The following MTA3 variants were observed in gnomAD, a reference collection of about 807,000 sequenced individuals.
The protein encoded by MTA3 is metastasis associated 1 family member 3, also known as metastasis-associated protein MTA3.
Under a neutral mutation model 83.5 loss-of-function variants are expected in MTA3, and 34 were observed. The observed-to-expected ratio is 0.41, with a 90% confidence interval of 0.31 to 0.54. The LOEUF is 0.54. MTA3 is among the 20% of genes least tolerant of loss of function. The probability of loss-of-function intolerance (pLI) is 0.33; values close to 1 mark genes in which losing one functional copy is unlikely to be tolerated. For missense variants in MTA3, 761 were observed against 726.4 expected (o/e 1.05, Z -0.55); for synonymous variants, 303 against 252.7 (o/e 1.20, Z -1.89).
At chr2:42,733,793 C>T (rs1331321942) in intron 16 of MTA3, among the ~76,000 whole-genome samples, 1 of 152,136 alleles carries the variant, frequency 6.6e-6, no homozygotes, top group East Asian at 1.9e-4. Flanking sequence ...AGCCACTGCA[C>T]CTGGCCCAGG....
chr2:42,544,484 A>C (rs995659638), intron 2 of MTA3, among the ~76,000 whole-genome samples: 11 of 151,630 alleles, frequency 7.3e-5, no homozygotes, highest in South Asian at 2.1e-4. Flanking sequence ...AAAAAAAAAA[A>C]CATAGTTATA....
intron 1 of MTA3, among the ~76,000 whole-genome samples, 179 bp downstream of exon 1, chr2:42,568,952 C>G (rs1455761717): frequency 6.6e-6 from 1 of 151,880 alleles, no homozygotes; most frequent in East Asian, 1.9e-4. Context: ...CCTTCCCCTC[C>G]CCCCACGCGG....
At chr2:42,499,527 C>A (rs998296334) in intron 2 of MTA3, among the ~76,000 whole-genome samples, 1 of 151,582 alleles carries the variant, frequency 6.6e-6, no homozygotes, top group South Asian at 2.1e-4. Context: ...CATGATGGCT[C>A]ATGCCTGTAA....
intron 2 of MTA3, among the ~76,000 whole-genome samples, chr2:42,498,636 A>G (rs191041386): frequency 7.2e-5 from 11 of 152,270 alleles, no homozygotes; most frequent in African/African-American, 2.6e-4. Context: ...ATGAGGTGGA[A>G]TTTGGCTCTT....
intron 4 of MTA3, among the ~76,000 whole-genome samples, chr2:42,638,238 A>G (rs1282372140): frequency 6.6e-6 from 1 of 152,182 alleles, no homozygotes; most frequent in East Asian, 1.9e-4. Context: ...AACTATTTTT[A>G]GAAACCTCAT....
chr2:42,727,096 GC>G lies in MTA3; in HGVS notation c.1759+4062del. On this transcript the variant is annotated intron_variant, in intron 16 of 16. Transcript: ENST00000405094. ...CCACAGTTCTAGCTACTTGGCGGGG[GC>G]TGAGGCAGAAGCATTGCTTGAGCCC... Among the ~76,000 whole-genome samples, 4 of 152,296 alleles carry G rather than the reference GC, an allele frequency of 2.6e-5. No homozygotes were observed. In the South Asian group the frequency reaches 8.3e-4, roughly 32 times the overall value.
intron 14 of MTA3, among the ~76,000 whole-genome samples, chr2:42,717,320 C>T (rs1358929592): frequency 6.6e-6 from 1 of 151,900 alleles, no homozygotes; most frequent in Non-Finnish European, 1.5e-5. Flanking sequence ...AAAAATTCTT[C>T]AGTAAATCAG....
At chr2:42,623,594 T>C (rs1363014238) in intron 4 of MTA3, among the ~76,000 whole-genome samples, 2 of 152,172 alleles carry the variant, frequency 1.3e-5, no homozygotes, top group South Asian at 4.1e-4. Context: ...TAGTTTTTGT[T>C]GAAGAAACTG....
intron 16 of MTA3, among the ~76,000 whole-genome samples, chr2:42,742,793 C>A (rs1216591417): frequency 6.6e-6 from 1 of 152,126 alleles, no homozygotes; most frequent in East Asian, 1.9e-4. Context: ...GTCCTGAGAA[C>A]TGTACATAAA....
At chr2:42,720,567 A>G (rs115342707) in intron 15 of MTA3, among the ~76,000 whole-genome samples, 150 of 152,280 alleles carry the variant, frequency 9.9e-4, no homozygotes, top group African/African-American at 3.4e-3. Flanking sequence ...TGACCTACGT[A>G]ATGGTGGTAA....
At chr2:42,584,205 A>G (rs531341168) in intron 3 of MTA3, among the ~76,000 whole-genome samples, 7 of 152,218 alleles carry the variant, frequency 4.6e-5, no homozygotes, top group Non-Finnish European at 7.4e-5. Flanking sequence ...CAAGCAGAGA[A>G]GAATACAGTA....
intron 16 of MTA3, among the ~76,000 whole-genome samples, chr2:42,731,675 TTC>T (rs1668240022): frequency 6.6e-6 from 1 of 152,176 alleles, no homozygotes; most frequent in African/African-American, 2.4e-5. Context: ...AACCATATCA[TTC>T]CACCCCTGGC....
At chr2:42,636,618 C>T (rs2104283903) in intron 4 of MTA3, among the ~76,000 whole-genome samples, 1 of 148,570 alleles carries the variant, frequency 6.7e-6, no homozygotes, top group East Asian at 2.0e-4. Flanking sequence ...ACTTCTTTCT[C>T]TTTCTTTCTT....
intron 2 of MTA3, among the ~76,000 whole-genome samples, chr2:42,537,837 A>C (rs557619216): frequency 1.3e-5 from 2 of 152,264 alleles, no homozygotes; most frequent in South Asian, 4.1e-4. Flanking sequence ...AGTTTGTAGG[A>C]AAGTGTCTTT....
chr2:42,748,265 C>T (rs981486658), intron 16 of MTA3, among the ~76,000 whole-genome samples: 4 of 146,214 alleles, frequency 2.7e-5, no homozygotes, highest in African/African-American at 7.6e-5. Context: ...GGGGTTTCAC[C>T]GTGTTGGCCA....
At chr2:42,659,145 G>T (rs1379073894) in intron 7 of MTA3, among the ~76,000 whole-genome samples, 2 of 152,058 alleles carry the variant, frequency 1.3e-5, no homozygotes, top group Non-Finnish European at 2.9e-5. Context: ...TAGCAAACAT[G>T]TTTAAAATAC....
chr2:42,670,913 A>C (rs1020274348), intron 8 of MTA3, among the ~76,000 whole-genome samples: 9 of 152,114 alleles, frequency 5.9e-5, no homozygotes, highest in Non-Finnish European at 1.0e-4. Flanking sequence ...ACCTTGTTAC[A>C]GTACTGTTGT....
At chr2:42,647,061 C>T (rs1050299619) in intron 6 of MTA3, among the ~76,000 whole-genome samples, 2 of 145,352 alleles carry the variant, frequency 1.4e-5, no homozygotes, top group African/African-American at 5.1e-5. Context: ...GAGGCTGAGG[C>T]AGGAGAATGG....
At chr2:42,605,035 T>C (rs1573206045) in intron 3 of MTA3, among the ~76,000 whole-genome samples, 1 of 150,548 alleles carries the variant, frequency 6.6e-6, no homozygotes. Flanking sequence ...TCCCCACCTT[T>C]CCCGCCTTTC....
Sources: allele counts gnomAD v4.1 joint callset (sites outside exome capture counted in the v4.1 genomes callset), GRCh38; gene constraint gnomAD v4.1.1; transcripts MANE v1.5; gene names NCBI Gene and HGNC (gene_info 2026-07-23, HGNC 2026-07-21).